BPTF: variants seen among roughly 807,000 people sequenced by gnomAD.
The protein encoded by BPTF is bromodomain PHD finger transcription factor, also known as nucleosome-remodeling factor subunit BPTF.
Under a neutral mutation model 292.5 loss-of-function variants are expected in BPTF, and 18 were observed. The observed-to-expected ratio is 0.06, with a 90% CI of 0.04 to 0.09. The LOEUF is 0.09. Among genes scored for constraint, BPTF ranks in the 10% least tolerant of loss-of-function variants. The probability of loss-of-function intolerance (pLI) is 1.00; values close to 1 mark genes in which losing one functional copy is unlikely to be tolerated. For synonymous variants in BPTF, 1,225 were observed against 1,251.9 expected (o/e 0.98, Z 0.45); for missense variants, 2,726 against 3,498.7 (o/e 0.78, Z 5.57).
At chr17:67,937,655 G>A (rs563799808) in intron 18 of BPTF, among the ~76,000 whole-genome samples, 3 of 150,220 alleles carry the variant, frequency 2.0e-5, no homozygotes, top group Non-Finnish European at 4.4e-5. Context: ...ACATTGAAGG[G>A]ATGGGTAGCC....
chr17:67,948,348 A>G (rs2065966346), intron 23 of BPTF, 42 bp downstream of exon 23: 2 of 1,518,204 alleles, frequency 1.3e-6, no homozygotes, highest in African/African-American at 1.4e-5. Context: ...AGTGTTTAAC[A>G]TCTGAGGTTC....
At chr17:67,934,951 A>G (rs1299369634) in intron 18 of BPTF, among the ~76,000 whole-genome samples, 1 of 152,068 alleles carries the variant, frequency 6.6e-6, no homozygotes, top group Non-Finnish European at 1.5e-5. Flanking sequence ...TAATTACAAA[A>G]CAATTCTCAA....
intron 11 of BPTF, among the ~76,000 whole-genome samples, chr17:67,917,881 G>A (rs1291945551): frequency 6.6e-6 from 1 of 152,062 alleles, no homozygotes; most frequent in Non-Finnish European, 1.5e-5. Flanking sequence ...GCCGGATCTT[G>A]GCTCACTGAA....
chr17:67,981,695 T>TA (rs2070381945), intron 27 of BPTF: 1 of 989,550 alleles, frequency 1.0e-6, no homozygotes, highest in African/African-American at 1.7e-5. Context: ...TCCTTTGACT[T>TA]AGTCCTGGTA....
At chr17:67,846,142 AAAG>A (rs1448633930) in intron 1 of BPTF, among the ~76,000 whole-genome samples, 1 of 152,218 alleles carries the variant, frequency 6.6e-6, no homozygotes, top group Non-Finnish European at 1.5e-5. Context: ...TTCAAATATA[AAAG>A]AAGTTATCCC....
chr17:67,891,779 A>AG, intron 4 of BPTF, 65 bp from the exon 5 acceptor site: 1 of 1,296,354 alleles, frequency 7.7e-7, no homozygotes, highest in Non-Finnish European at 1.0e-6. Context: ...AGTTTTGGTG[A>AG]AATAAGGTGG....
chr17:67,826,132 AGAGGAGGACATGGTCTCCGAGGAGGAG>A lies in BPTF; in HGVS notation c.417_443del (p.Asp139_Glu147del), dbSNP rs2055997935. 7 of 1,432,978 alleles carry A rather than the reference AGAGGAGGACATGGTCTCCGAGGAGGAG, an allele frequency of 4.9e-6. No individual in the cohort carries two copies. The highest frequency in any genetic ancestry group is 6.9e-6 in the Non-Finnish European group (7 of 1,019,190). The allele number at this position is 1,432,978 out of a possible 1,614,324, so 88.8% of individuals were successfully genotyped here. Reference sequence around the variant, plus strand: ...ACCACGAGAGCGAGGAGGAGGAGGAAGAGGAGGACATGGTCTCCGAGGAGGAGGAGGAGGAGGACGGCGACGCCGAGG... The same window carrying A: ...ACCACGAGAGCGAGGAGGAGGAGGAAGAGGAGGAGGACGGCGACGCCGAGG... On this transcript the variant is annotated inframe_deletion, in exon 1 of 28. Transcript: ENST00000306378.
intron 2 of BPTF, among the ~76,000 whole-genome samples, chr17:67,861,340 C>CTT (rs568176532): frequency 0.048 from 6,475 of 135,056 alleles, 227 homozygotes; most frequent in Middle Eastern, 0.09. Context: ...AAGATTTTTT[C>CTT]TTTTTTTTTT....
chr17:67,975,460 G>C (rs2069294337), intron 26 of BPTF: 1 of 210,344 alleles, frequency 4.8e-6, no homozygotes, highest in Non-Finnish European at 9.4e-6. Flanking sequence ...ATTATACTTA[G>C]ATATGCATAG....
In BPTF at chr17:67,825,853, C is replaced by T. The variant is rs1170989711; in HGVS notation, c.129C>T (p.His43=). The change falls in exon 1 of 28, where the codon CAC becomes CAT. Residue 43 remains histidine, a synonymous_variant. Coordinates refer to ENST00000306378, the MANE Select transcript of BPTF (RefSeq NM_182641.4). ...CCATCGGGGGGCTCCGCTCGCGGCACCGCGGCAGCAGCCGGGGCAGGTGGG... is the reference window on the plus strand; with the variant it reads ...CCATCGGGGGGCTCCGCTCGCGGCATCGCGGCAGCAGCCGGGGCAGGTGGG... The part of the protein sequence containing the change: ...SGPIGGLRSR[H]RGSSRGRWAA... 9.9e-7 allele frequency: 1 copy of T among 1,014,482 alleles called. No homozygotes were observed. Among genetic ancestry groups the T allele is most frequent in the Non-Finnish European group, 1.2e-6 (1 of 850,806 alleles). The allele number at this position is 1,014,482 out of a possible 1,614,324, so 62.8% of individuals were successfully genotyped here.
Position 67,911,343 on chromosome 17 carries a change from T to A in BPTF, c.3459T>A (p.Pro1153=). 6.2e-7 allele frequency: 1 copy of A among 1,614,138 alleles called. No individual in the cohort carries two copies. Among genetic ancestry groups the A allele is most frequent in the Non-Finnish European group, 8.5e-7 (1 of 1,180,014 alleles). The change falls in exon 11 of 28, where the codon CCT becomes CCA. Residue 1153 remains proline (P), a synonymous_variant. Coordinates refer to ENST00000306378, the MANE Select transcript of BPTF (RefSeq NM_182641.4). ...SDSSVLRMSD[P]SHTTNKLYPK... is the part of the protein sequence containing the mutation. Reference sequence around the variant, plus strand: ...CCTCAGTTCTTAGAATGAGTGATCCTAGTCATACCACAAACAAACTTTATC... The same window carrying A: ...CCTCAGTTCTTAGAATGAGTGATCCAAGTCATACCACAAACAAACTTTATC...
chr17:67,973,607 A>T (rs1300658832), intron 26 of BPTF, among the ~76,000 whole-genome samples: 4 of 151,904 alleles, frequency 2.6e-5, no homozygotes, highest in Non-Finnish European at 5.9e-5. Flanking sequence ...TCCTGGGTTC[A>T]AGGGATTCTC....
intron 27 of BPTF, chr17:67,981,795 G>C (rs2070390457): frequency 1.1e-6 from 1 of 915,878 alleles, no homozygotes; most frequent in Non-Finnish European, 1.3e-6. Flanking sequence ...AGAAAAATGT[G>C]ATTTTAAGAT....
At chr17:67,964,644 A>G (rs1452141838) in intron 25 of BPTF, among the ~76,000 whole-genome samples, 2 of 152,110 alleles carry the variant, frequency 1.3e-5, no homozygotes, top group Non-Finnish European at 2.9e-5. Context: ...ACTTCTTTAT[A>G]CATTTTATTT....
intron 17 of BPTF, among the ~76,000 whole-genome samples, chr17:67,930,812 G>A (rs1049053533): frequency 6.6e-6 from 1 of 151,982 alleles, no homozygotes; most frequent in Non-Finnish European, 1.5e-5. Flanking sequence ...GGGCATGGTG[G>A]CATGTGCCTG....
rs782326693 is a variant in BPTF, at chr17:67,959,691, G to A, written c.8077G>A (p.Val2693Met). Residue 2693 changes from valine (V) to methionine (M), a missense_variant, in exon 24 of 28, where the codon GTG becomes ATG. Physicochemically the swap from Val to Met is conservative, Grantham distance 21 (BLOSUM62 1). Transcript: ENST00000306378. ...ACCTTCACCTCCCCCTCCACCTGCTGTGCAACACACAGGCCTTCTGTCCAC... is the reference window on the plus strand; with the variant it reads ...ACCTTCACCTCCCCCTCCACCTGCTATGCAACACACAGGCCTTCTGTCCAC... ...PPPSPPPPPA[V>M]QHTGLLSTPT... 2.1e-4 allele frequency: 318 copies of A among 1,482,908 alleles called. 3 individuals carry two copies. The East Asian group carries it at 0.012, about 56-fold the overall frequency. The allele number at this position is 1,482,908 out of a possible 1,614,324, so 91.9% of individuals were successfully genotyped here.
chr17:67,967,432 A>C (rs1017610477), intron 26 of BPTF, among the ~76,000 whole-genome samples: 8 of 151,878 alleles, frequency 5.3e-5, no homozygotes, highest in Non-Finnish European at 1.0e-4. Context: ...GTGAGCCACC[A>C]TACCCGGCCA....
chr17:67,961,167 A>T (rs1555683821), intron 24 of BPTF, among the ~76,000 whole-genome samples: 1 of 152,354 alleles, frequency 6.6e-6, no homozygotes, highest in East Asian at 1.9e-4. Context: ...TATTCAGATC[A>T]CAGAAATTGA....
At position 67,881,497 on chromosome 17, in the gene BPTF, T is replaced by G. The variant is rs1393336096; in HGVS notation, c.1864+6477T>G. On this transcript the variant is annotated intron_variant, in intron 4 of 27. Coordinates refer to ENST00000306378, the MANE Select transcript of BPTF (RefSeq NM_182641.4). ...TAATCTTTCCATAATCAAGGTTTTTTTTTTTTTTTTTTTTTTTTTTGAGAG... is the reference window on the plus strand; with the variant it reads ...TAATCTTTCCATAATCAAGGTTTTTGTTTTTTTTTTTTTTTTTTTTGAGAG... Among the ~76,000 whole-genome samples, 274 of 121,248 alleles carry G rather than the reference T, an allele frequency of 2.3e-3. 9 individuals are homozygous for G. The highest frequency in any genetic ancestry group is 8.8e-3 in the South Asian group (27 of 3,058). The allele number at this position is 121,248 out of a possible 152,430, so 79.5% of individuals were successfully genotyped here.
Sources: allele counts gnomAD v4.1 joint callset (sites outside exome capture counted in the v4.1 genomes callset), GRCh38; gene constraint gnomAD v4.1.1; transcripts MANE v1.5; gene names NCBI Gene and HGNC (gene_info 2026-07-23, HGNC 2026-07-21).